CCDC102B: variants seen among roughly 807,000 people sequenced by gnomAD.
The protein encoded by CCDC102B is coiled-coil domain containing 102B, also known as coiled-coil domain-containing protein 102B.
In CCDC102B, 75 loss-of-function variants were observed where a neutral mutation model predicts 57.4. The ratio of observed to expected loss-of-function variants is 1.31; its 90% CI spans 1.08 to 1.58. The LOEUF (loss-of-function observed/expected upper bound fraction) is 1.58, where lower values mean the gene tolerates loss of function less well. CCDC102B is among the 40% of genes most tolerant of loss of function. The pLI is 0.00. For missense variants in CCDC102B, 636 were observed against 582.6 expected (o/e 1.09, Z -0.94); for synonymous variants, 206 against 201.9 (o/e 1.02, Z -0.17).
rs114211801 is a variant in CCDC102B at position 68,851,908 on chromosome 18, A to G, written c.936+5487A>G. ...ATATCTTTATTTTATATTTCAGATG[A>G]TGGGATAGTTTCCAGAGACTAATGT... On this transcript the variant is annotated intron_variant, in intron 4 of 7. Transcript: ENST00000360242. 2.9e-3 allele frequency among the ~76,000 whole-genome samples: 446 copies of G among 152,316 alleles called. 2 individuals are homozygous for G. Among genetic ancestry groups the G allele is most frequent in the African/African-American group, 0.01 (430 of 41,560 alleles).
upstream of CCDC102B, among the ~76,000 whole-genome samples, chr18:68,795,630 G>A (rs72958030): frequency 0.13 from 20,424 of 151,464 alleles, 1,627 homozygotes; most frequent in East Asian, 0.34. Flanking sequence ...TCCCCTGTGC[G>A]TTTTGTCTAA....
chr18:68,987,580 C>T (rs1346565949), intron 6 of CCDC102B, among the ~76,000 whole-genome samples: 1 of 152,106 alleles, frequency 6.6e-6, no homozygotes, highest in Non-Finnish European at 1.5e-5. Context: ...TAAAGATCTT[C>T]TGCACAGCAA....
In CCDC102B at chr18:68,735,570, C is replaced by G. The variant is rs572829237; in HGVS notation, c.-67+18976C>G. 7.2e-5 allele frequency among the ~76,000 whole-genome samples: 11 copies of G among 152,252 alleles called. No homozygotes were observed. The East Asian group carries it at 2.1e-3, about 29-fold the overall frequency. ...CTATGCCTTGCATGTTCTAAAATTT[C>G]TCTCTAGCATTTCCAGGCATAGTTT... On this transcript the variant is annotated intron_variant, in intron 2 of 3. Coordinates refer to the CCDC102B transcript ENST00000578970.
At chr18:68,905,237 C>T (rs1302919334) in intron 6 of CCDC102B, among the ~76,000 whole-genome samples, 2 of 23,234 alleles carry the variant, frequency 8.6e-5, no homozygotes, top group Non-Finnish European at 2.0e-4. Context: ...AAAATTATGA[C>T]ATTTACGAAT....
intron 7 of CCDC102B, among the ~76,000 whole-genome samples, chr18:69,011,833 C>T (rs2051526990): frequency 6.6e-6 from 1 of 151,930 alleles, no homozygotes; most frequent in Non-Finnish European, 1.5e-5. Flanking sequence ...GTTAGAAAGA[C>T]TGTTTCTATA....
At chr18:68,976,519 C>T (rs2050441922) in intron 6 of CCDC102B, among the ~76,000 whole-genome samples, 1 of 151,816 alleles carries the variant, frequency 6.6e-6, no homozygotes, top group Admixed American at 6.6e-5. Flanking sequence ...TGCACATCCC[C>T]GATTATTACT....
rs541985940 is a variant in CCDC102B, at chr18:69,028,933, A to C, written c.1434+17829A>C. ...TTCTATTACATAAATTGTTCATGGC[A>C]TGTTAAGGTAAAATATTTTAAGATT... On this transcript the variant is annotated intron_variant, in intron 7 of 7. Transcript: ENST00000360242. Among the ~76,000 whole-genome samples the C allele has an allele frequency of 2.2e-4, 33 of 149,930 alleles. 1 individual carries two copies. The South Asian group carries it at 6.9e-3, about 31-fold the overall frequency.
chr18:68,959,921 A>T (rs1053786601), intron 6 of CCDC102B, among the ~76,000 whole-genome samples: 7 of 151,972 alleles, frequency 4.6e-5, no homozygotes, highest in Non-Finnish European at 7.4e-5. Flanking sequence ...CTGGTTCAGC[A>T]ATGCTGTCCA....
chr18:68,890,556 G>A (rs566517788), intron 5 of CCDC102B, among the ~76,000 whole-genome samples: 8 of 152,134 alleles, frequency 5.3e-5, no homozygotes, highest in Non-Finnish European at 1.0e-4. Flanking sequence ...ATCACAAAAC[G>A]CACAAGCAAC....
chr18:68,765,263 A>G (rs978121096), intron 2 of CCDC102B, among the ~76,000 whole-genome samples: 1 of 148,282 alleles, frequency 6.7e-6, no homozygotes, highest in African/African-American at 2.5e-5. Context: ...AGAAGGAGGA[A>G]GGAGAGAAAG....
At chr18:68,965,238 A>G (rs887177269) in intron 6 of CCDC102B, among the ~76,000 whole-genome samples, 5 of 151,688 alleles carry the variant, frequency 3.3e-5, no homozygotes, top group African/African-American at 1.2e-4. Context: ...AAGTCTGTTC[A>G]TTTCTTTTCA....
intron 6 of CCDC102B, among the ~76,000 whole-genome samples, chr18:68,942,751 C>T (rs1056173156): frequency 1.3e-5 from 2 of 151,854 alleles, no homozygotes; most frequent in Admixed American, 1.3e-4. Flanking sequence ...GAGACAGATG[C>T]CTTCCTCTTA....
intron 2 of CCDC102B, among the ~76,000 whole-genome samples, chr18:68,760,575 G>A (rs2034220813): frequency 6.6e-6 from 1 of 152,010 alleles, no homozygotes; most frequent in South Asian, 2.1e-4. Flanking sequence ...AGTCTTCAAG[G>A]ACTACACAGT....
intron 6 of CCDC102B, among the ~76,000 whole-genome samples, chr18:68,910,652 C>A (rs192374768): frequency 6.6e-6 from 1 of 152,208 alleles, no homozygotes; most frequent in East Asian, 1.9e-4. Flanking sequence ...CTAAGGAAAA[C>A]AAGAATAGTT....
At chr18:68,982,961 A>G (rs1220223828) in intron 6 of CCDC102B, among the ~76,000 whole-genome samples, 2 of 151,932 alleles carry the variant, frequency 1.3e-5, no homozygotes, top group Admixed American at 1.3e-4. Context: ...TTTTATATGT[A>G]TTCATACATT....
chr18:68,920,705 C>T (rs1216313021), intron 6 of CCDC102B, among the ~76,000 whole-genome samples: 2 of 152,142 alleles, frequency 1.3e-5, no homozygotes, highest in Non-Finnish European at 2.9e-5. Context: ...AAAGGAGAAG[C>T]AGGCACCTTT....
chr18:68,816,072 A>G (rs2036461070), intron 1 of CCDC102B, among the ~76,000 whole-genome samples: 2 of 152,194 alleles, frequency 1.3e-5, no homozygotes, highest in African/African-American at 4.8e-5. Flanking sequence ...TTATTGTCCA[A>G]AGGAGAAGTA....
chr18:68,765,841 T>G (rs1175547756), intron 2 of CCDC102B, among the ~76,000 whole-genome samples: 2 of 152,138 alleles, frequency 1.3e-5, no homozygotes, highest in South Asian at 2.1e-4. Flanking sequence ...TTTCTTTCTT[T>G]CTTTCTTTTT....
At chr18:68,750,337 T>A (rs1172656034) in intron 2 of CCDC102B, among the ~76,000 whole-genome samples, 1 of 152,216 alleles carries the variant, frequency 6.6e-6, no homozygotes, top group Non-Finnish European at 1.5e-5. Context: ...ACTTTTACAC[T>A]GTTGGTGGGA....
Sources: allele counts gnomAD v4.1 joint callset (sites outside exome capture counted in the v4.1 genomes callset), GRCh38; gene constraint gnomAD v4.1.1; transcripts MANE v1.5; gene names NCBI Gene and HGNC (gene_info 2026-07-23, HGNC 2026-07-21).